The following PARP11 variants were observed in gnomAD, a reference collection of about 807,000 sequenced individuals.
PARP11 encodes the protein protein mono-ADP-ribosyltransferase PARP11.
Under a neutral mutation model 42.9 loss-of-function variants are expected in PARP11, and 31 were observed. The ratio of observed to expected loss-of-function variants is 0.72; its 90% confidence interval spans 0.54 to 0.98. The LOEUF is 0.98. Ranked by LOEUF, PARP11 falls within the 50% of genes least tolerant of loss-of-function variation. PARP11 has a pLI of 0.00. For synonymous variants in PARP11, 137 were observed against 127.3 expected (o/e 1.08, Z -0.51); for missense variants, 365 against 413.1 (o/e 0.88, Z 1.01).
intron 1 of PARP11, among the ~76,000 whole-genome samples, chr12:3,867,577 C>T (rs1186126840): frequency 6.6e-6 from 1 of 152,148 alleles, no homozygotes; most frequent in Non-Finnish European, 1.5e-5. Flanking sequence ...ATTTTTAATG[C>T]TGAGAATAAA....
intron 1 of PARP11, among the ~76,000 whole-genome samples, chr12:3,852,152 G>A (rs967817355): frequency 1.3e-5 from 2 of 152,098 alleles, no homozygotes; most frequent in African/African-American, 2.4e-5. Context: ...AAAGACCAAA[G>A]GTAGATAAAA....
intron 1 of PARP11, chr12:3,872,927 A>G (rs1193193316): frequency 6.8e-6 from 2 of 295,900 alleles, no homozygotes; most frequent in South Asian, 1.3e-4. Context: ...CTCCGTCTCA[A>G]AAACAACAAC....
intron 1 of PARP11, among the ~76,000 whole-genome samples, chr12:3,839,204 C>T (rs1349252206): frequency 6.7e-6 from 1 of 149,658 alleles, no homozygotes; most frequent in African/African-American, 2.4e-5. Context: ...CGAGCCCCAG[C>T]CCGAGCCGCC....
In PARP11 at chr12:3,812,399, GA is replaced by G; in HGVS notation, c.740del (p.Phe247SerfsTer6). 6.2e-7 allele frequency: 1 copy of G among 1,614,010 alleles called. No individual in the cohort carries two copies. The part of the protein sequence containing the change: ...FARDAAYSSR[F>X]CKDDIKHGNT... ...TCCCATGCTTTATGTCATCTTTGCA[GA>G]AACGACTGGAATAAGCAGCATCTCT... On this transcript the variant is annotated frameshift_variant, in exon 8 of 8. Coordinates refer to ENST00000228820, the MANE Select transcript of PARP11 (RefSeq NM_020367.6). LOFTEE classifies it high-confidence loss of function.
rs2137994668 is a variant in PARP11 at position 3,809,027 on chromosome 12, T to C, written c.*3096A>G. The stretch of plus-strand genomic sequence containing the variant: ...ACTAAAAGATTTATGAAACTTTTTT[T>C]TTTACCCTGAGGCTGATATCACCAA... On this transcript the variant is annotated 3_prime_UTR_variant, in exon 8 of 8. Transcript: ENST00000228820. The C allele has an allele frequency of 6.6e-6, 1 of 152,294 alleles. No individual in the cohort carries two copies. Among genetic ancestry groups the C allele is most frequent in the South Asian group, 2.1e-4 (1 of 4,822 alleles). 9.4% of individuals were successfully genotyped at this position (152,294 alleles called of 1,614,324 possible). A position where few individuals can be genotyped will look rare whatever the true frequency, so the allele number is the denominator to read the frequency against.
At chr12:3,835,166 A>AACTATAATAGC (rs1947731605) in intron 1 of PARP11, among the ~76,000 whole-genome samples, 1 of 152,176 alleles carries the variant, frequency 6.6e-6, no homozygotes, top group African/African-American at 2.4e-5. Flanking sequence ...AGCAGCCACC[A>AACTATAATAGC]AGCCACACAC....
intron 1 of PARP11, chr12:3,842,224 A>C: frequency 1.2e-6 from 2 of 1,604,550 alleles, no homozygotes; most frequent in Non-Finnish European, 1.7e-6. Context: ...AGCAGAGTGC[A>C]AAGACCAAAA....
At chr12:3,822,056 T>A in intron 5 of PARP11, 29 bp downstream of exon 5, 1 of 1,609,466 alleles carries the variant, frequency 6.2e-7, no homozygotes, top group East Asian at 2.2e-5. Context: ...GTTTCTTTCA[T>A]GGGTATATTC....
At chr12:3,852,313 G>A (rs571527710) in intron 1 of PARP11, among the ~76,000 whole-genome samples, 1 of 152,308 alleles carries the variant, frequency 6.6e-6, no homozygotes, top group East Asian at 1.9e-4. Flanking sequence ...GTTGGCTTCA[G>A]AAGGTTGGTA....
chr12:3,846,018 T>A (rs1947986422), intron 1 of PARP11, among the ~76,000 whole-genome samples: 1 of 152,236 alleles, frequency 6.6e-6, no homozygotes, highest in Non-Finnish European at 1.5e-5. Context: ...TAAGAGCATG[T>A]GAAGATGTGA....
In PARP11 at chr12:3,840,292, C is replaced by G; in HGVS notation, c.19-10274G>C. ...GTACACATCAAAGAACCTCAAGGCA[C>G]CTCCCCCAGAAAGCTGGAACACAGT... On this transcript the variant is annotated intron_variant, in intron 1 of 7. Coordinates refer to ENST00000228820, the MANE Select transcript of PARP11 (RefSeq NM_020367.6). The surrounding 1 kb of genome is among the most constrained non-coding windows in gnomAD (Gnocchi z 4.4). The G allele has an allele frequency of 6.2e-7, 1 of 1,614,028 alleles. No homozygotes were observed. Among genetic ancestry groups the G allele is most frequent in the Non-Finnish European group, 8.5e-7 (1 of 1,179,928 alleles).
Position 3,814,952 on chromosome 12 carries a change from C to A in PARP11, c.549-764G>T, listed in dbSNP as rs1184439990. The A allele has an allele frequency of 8.9e-6, 4 of 448,742 alleles. No individual in the cohort carries two copies. In the East Asian group the frequency reaches 2.1e-4, roughly 23 times the overall value. The allele number at this position is 448,742 out of a possible 1,614,324, so 27.8% of individuals were successfully genotyped here. ...TGTGTATTATGTAGGTATACATACA[C>A]AGGTAGTAAAAAATACAAAATACAA... On this transcript the variant is annotated intron_variant, in intron 6 of 7. Transcript: ENST00000228820.
intron 1 of PARP11, among the ~76,000 whole-genome samples, chr12:3,845,046 TCAC>T (rs60668774): frequency 0.15 from 23,174 of 152,112 alleles, 2,293 homozygotes; most frequent in East Asian, 0.5. Flanking sequence ...TTATGAAACT[TCAC>T]CATATTATGA....
Position 3,810,972 on chromosome 12 carries a change from A to G in PARP11, c.*1151T>C, listed in dbSNP as rs1947167001. On this transcript the variant is annotated 3_prime_UTR_variant, in exon 8 of 8. Transcript: ENST00000228820. Reference sequence around the variant, plus strand: ...GCCAAGTTGCTGTCTCGCCTCTGCTAGAATACCTTTAGGGGAGGGAAGCTG... The same window carrying G: ...GCCAAGTTGCTGTCTCGCCTCTGCTGGAATACCTTTAGGGGAGGGAAGCTG... 1.3e-5 allele frequency: 2 copies of G among 152,338 alleles called. No homozygotes were observed. Among genetic ancestry groups the G allele is most frequent in the South Asian group, 4.1e-4 (2 of 4,828 alleles). 9.4% of individuals were successfully genotyped at this position (152,338 alleles called of 1,614,324 possible).
In PARP11 at chr12:3,810,700, AAGAG is replaced by A. The variant is rs200174142; in HGVS notation, c.*1419_*1422del. 1.4e-5 allele frequency: 2 copies of A among 139,054 alleles called. No homozygotes were observed. Among genetic ancestry groups the A allele is most frequent in the African/African-American group, 3.0e-5 (1 of 32,832 alleles). The allele number at this position is 139,054 out of a possible 1,614,324, so 8.6% of individuals were successfully genotyped here. On this transcript the variant is annotated 3_prime_UTR_variant, in exon 8 of 8. Transcript: ENST00000228820. The stretch of plus-strand genomic sequence containing the variant: ...GAAGGAAGGAAAGAAAGAAGGAAGG[AAGAG>A]AGAGAGAAGAGAAGAGAAAGAGAAA...
At chr12:3,854,110 A>G (rs1320066211) in intron 1 of PARP11, among the ~76,000 whole-genome samples, 1 of 152,256 alleles carries the variant, frequency 6.6e-6, no homozygotes, top group Admixed American at 6.5e-5. Flanking sequence ...ACAACGTACC[A>G]GAATCTCTGG....
intron 1 of PARP11, chr12:3,872,413 G>C (rs545751215): frequency 2.6e-5 from 12 of 467,378 alleles, no homozygotes; most frequent in Admixed American, 1.3e-4. Context: ...TGGGTGGTGA[G>C]GAAAGGTACT....
chr12:3,812,000 C>T lies in PARP11; in HGVS notation c.*123G>A. On this transcript the variant is annotated 3_prime_UTR_variant, in exon 8 of 8. Transcript: ENST00000228820. ...AGTATGTCTTTTTATATGGAGGCCA[C>T]TTTTTTTCATATCTGTTTCAAAAGT... 1.3e-6 allele frequency: 1 copy of T among 762,890 alleles called. No individual in the cohort carries two copies. Among genetic ancestry groups the T allele is most frequent in the Non-Finnish European group, 2.0e-6 (1 of 491,246 alleles). The allele number at this position is 762,890 out of a possible 1,614,324, so 47.3% of individuals were successfully genotyped here.
chr12:3,841,447 A>G, intron 1 of PARP11: 1 of 1,361,026 alleles, frequency 7.3e-7, no homozygotes, highest in Non-Finnish European at 1.1e-6. Flanking sequence ...CCAGAATTAA[A>G]GTGATTGTAC....
Sources: gnomAD v4.1 joint callset for allele counts (sites outside exome capture counted in the v4.1 genomes callset) on GRCh38, gnomAD v4.1.1 for gene constraint, Gnocchi (gnomAD v3.1) non-coding constraint, MANE v1.5 for transcripts, NCBI Gene and HGNC (gene_info 2026-07-23, HGNC 2026-07-21) for gene names.